BAZ2B: variants seen among roughly 807,000 people sequenced by gnomAD.
BAZ2B encodes the protein bromodomain adjacent to zinc finger domain 2B.
Under a neutral mutation model 246.0 loss-of-function variants are expected in BAZ2B, and 91 were observed. The ratio of observed to expected loss-of-function variants is 0.37; its 90% CI spans 0.31 to 0.44. The LOEUF is 0.44. Ranked by LOEUF, BAZ2B falls within the 20% of genes least tolerant of loss-of-function variation. The probability of loss-of-function intolerance (pLI) is 1.00; values close to 1 mark genes in which losing one functional copy is unlikely to be tolerated. For synonymous variants in BAZ2B, 855 were observed against 860.0 expected (o/e 0.99, Z 0.10); for missense variants, 2,332 against 2,533.7 (o/e 0.92, Z 1.71).
At chr2:159,365,452 C>T (rs180699169) in intron 27 of BAZ2B, among the ~76,000 whole-genome samples, 1 of 152,232 alleles carries the variant, frequency 6.6e-6, no homozygotes, top group Admixed American at 6.5e-5. Context: ...GTTTTTACAC[C>T]TCAATAGTTA....
rs202126750 is a variant in BAZ2B, at chr2:159,347,531, T to A, written c.5409A>T (p.Val1803=). Residue 1803 remains valine, a synonymous_variant, in exon 31 of 37, where the codon GTA becomes GTT. Coordinates refer to ENST00000392783, the MANE Select transcript of BAZ2B (RefSeq NM_013450.4). ...ATGCAACTCTCCTTTCTAGATCTTC[T>A]ACCTGTTGAAGGACACTCAAATCCA... ...MEMDLSVLQQ[V]EDLERRVASA... 8.1e-4 allele frequency: 1,310 copies of A among 1,613,884 alleles called. No homozygotes were observed. Among genetic ancestry groups the A allele is most frequent in the Non-Finnish European group, 1.1e-3 (1,245 of 1,179,850 alleles).
rs1461995426 is a variant in BAZ2B at position 159,349,106 on chromosome 2, A to T, written c.5038T>A (p.Ser1680Thr). ...TSNVASSKSE[S>T]PVPQNEKATS... ...GCCTTTTCATTCTGTGGTACTGGAG[A>T]TTCACTTTTACTTGAAGCAACATTG... is the stretch of plus-strand genomic sequence containing the variant. Residue 1680 changes from serine (S) to threonine (T), a missense_variant, in exon 29 of 37, where the codon TCT becomes ACT. By Grantham distance (58) the Ser-to-Thr change is moderately conservative. Coordinates refer to ENST00000392783, the MANE Select transcript of BAZ2B (RefSeq NM_013450.4). The T allele has an allele frequency of 6.2e-7, 1 of 1,614,006 alleles. No individual in the cohort carries two copies.
chr2:159,371,058 T>C (rs1349377903), intron 27 of BAZ2B, among the ~76,000 whole-genome samples: 3 of 152,168 alleles, frequency 2.0e-5, no homozygotes, highest in African/African-American at 7.2e-5. Context: ...TCTGCCCGCG[T>C]TGACCTCACA....
chr2:159,350,315 G>T lies in BAZ2B; in HGVS notation c.4256C>A (p.Ala1419Glu). The T allele has an allele frequency of 6.4e-7, 1 of 1,574,736 alleles. No homozygotes were observed. Among genetic ancestry groups the T allele is most frequent in the Non-Finnish European group, 8.6e-7 (1 of 1,165,026 alleles). ...IAKEREKLKK[A>E]ESVQIKEEMF... ...TTCTTCTTTGATCTGGACACTTTCT[G>T]CCTTTTTCAGTTTTTCTCTTTCTTT... is the stretch of plus-strand genomic sequence containing the variant. Residue 1419 changes from alanine (A) to glutamate (E), a missense_variant, in exon 28 of 37, where the codon GCA (alanine) becomes GAA (glutamate). By Grantham distance (107) the Ala-to-Glu change is moderately radical (BLOSUM62 -1). This residue lies in a region of BAZ2B where 676 missense variants were observed against 668.6 expected (regional missense o/e 1.01). Transcript: ENST00000392783.
chr2:159,397,230 G>C (rs1170690091), intron 19 of BAZ2B, 115 bp downstream of exon 19: 5 of 1,232,914 alleles, frequency 4.1e-6, no homozygotes, highest in Non-Finnish European at 5.6e-6. Context: ...AAAAACTTAA[G>C]CAGAAATTAT....
At chr2:159,458,388 C>A (rs62173208) in intron 3 of BAZ2B, 11,126 of 151,520 alleles carry the variant, frequency 0.073, 529 homozygotes, top group Middle Eastern at 0.16. Flanking sequence ...GGCAGTGGTG[C>A]GATCTCGGCT....
chr2:159,438,717 T>C, intron 7 of BAZ2B, 22 bp from the exon 8 acceptor site: 1 of 1,550,916 alleles, frequency 6.4e-7, no homozygotes, highest in South Asian at 1.3e-5. Context: ...AATGAAAAGG[T>C]AAGTTCCTAA....
At chr2:159,325,626 T>C (rs769512306) in intron 35 of BAZ2B, 27 bp downstream of exon 35, 2 of 1,570,528 alleles carry the variant, frequency 1.3e-6, no homozygotes, top group Non-Finnish European at 1.7e-6. Context: ...ATTATAAATA[T>C]ACAGTGCATG....
intron 8 of BAZ2B, 122 bp downstream of exon 8, chr2:159,438,180 TG>T: frequency 1.1e-6 from 1 of 887,074 alleles, no homozygotes; most frequent in Non-Finnish European, 1.7e-6. Context: ...ATTCTATTCC[TG>T]GAGACTAAGA....
chr2:159,326,760 A>G (rs1346993673), intron 34 of BAZ2B, among the ~76,000 whole-genome samples: 2 of 152,200 alleles, frequency 1.3e-5, no homozygotes, highest in Non-Finnish European at 2.9e-5. Flanking sequence ...GTCTTATGCA[A>G]TATAACTACA....
chr2:159,508,460 T>C (rs192520444), intron 2 of BAZ2B, among the ~76,000 whole-genome samples: 2 of 152,320 alleles, frequency 1.3e-5, no homozygotes, highest in Admixed American at 1.3e-4. Context: ...TATTGAAATT[T>C]TGCTTTTAAC....
chr2:159,425,815 T>C (rs377704841), intron 13 of BAZ2B, among the ~76,000 whole-genome samples: 1 of 152,328 alleles, frequency 6.6e-6, no homozygotes, highest in Admixed American at 6.5e-5. Context: ...AATTATATAA[T>C]CTTGGTTTTC....
chr2:159,560,959 T>G (rs1239042623), intron 1 of BAZ2B, among the ~76,000 whole-genome samples: 1 of 152,112 alleles, frequency 6.6e-6, no homozygotes, highest in Non-Finnish European at 1.5e-5. Flanking sequence ...TACTTGAAAA[T>G]AATAGAAAAC....
In BAZ2B at chr2:159,439,010, T is replaced by C. The variant is rs2072915566; in HGVS notation, c.899A>G (p.Gln300Arg). ...TACTGTCCATGAAAAAAATTATACC[T>C]GGTTGTTACTTTTATGTTGTGCTTC... ...ESEAQHKSNNQVLLHGISDPK... is the reference protein window; with the variant it reads ...ESEAQHKSNNRVLLHGISDPK... Residue 300 changes from glutamine to arginine, a missense_variant and splice_region_variant, in exon 7 of 37, where the codon CAG becomes CGG. This residue lies in a region of BAZ2B where 161 missense variants were observed against 225.8 expected (regional missense o/e 0.71). Transcript: ENST00000392783. 6.2e-7 allele frequency: 1 copy of C among 1,612,526 alleles called. No homozygotes were observed.
downstream of BAZ2B, among the ~76,000 whole-genome samples, chr2:159,316,673 G>C (rs970518304): frequency 4.1e-5 from 4 of 97,558 alleles, no homozygotes; most frequent in African/African-American, 1.5e-4. Context: ...CTGGGTGACA[G>C]AGCAAGACTC....
intron 2 of BAZ2B, among the ~76,000 whole-genome samples, chr2:159,535,879 A>G (rs149918457): frequency 1.3e-5 from 2 of 152,340 alleles, no homozygotes; most frequent in African/African-American, 4.8e-5. Flanking sequence ...ATCTTTAGCC[A>G]GTGCTAAACA....
chr2:159,510,894 T>G (rs1459170447), intron 2 of BAZ2B, among the ~76,000 whole-genome samples: 1 of 152,168 alleles, frequency 6.6e-6, no homozygotes, highest in Non-Finnish European at 1.5e-5. Context: ...AATCTTATGC[T>G]CCTTTTGACA....
At chr2:159,494,459 T>C (rs1223546398) in intron 2 of BAZ2B, among the ~76,000 whole-genome samples, 1 of 152,146 alleles carries the variant, frequency 6.6e-6, no homozygotes, top group African/African-American at 2.4e-5. Context: ...TATAAGTACA[T>C]TTATATAAAC....
rs988668936 is a variant in BAZ2B at position 159,512,440 on chromosome 2, C to A, written c.-2-33719G>T. ...TCACTTTTACAATGAAAATACCCAG[C>A]GGCATCTTAGAGATTACTGGTTTTC... On this transcript the variant is annotated intron_variant, in intron 2 of 36. Coordinates refer to ENST00000392783, the MANE Select transcript of BAZ2B (RefSeq NM_013450.4). Among the ~76,000 whole-genome samples the A allele has an allele frequency of 2.0e-5, 3 of 152,042 alleles. No homozygotes were observed. In the East Asian group the frequency reaches 5.8e-4, roughly 29 times the overall value.
Sources: gnomAD v4.1 joint callset for allele counts (sites outside exome capture counted in the v4.1 genomes callset) on GRCh38, gnomAD v4.1.1 for gene constraint, gnomAD v4.1.1 regional missense constraint, MANE v1.5 for transcripts, NCBI Gene and HGNC (gene_info 2026-07-23, HGNC 2026-07-21) for gene names.